The following TET2 variants were observed in gnomAD, a reference collection of about 807,000 sequenced individuals.
TET2 encodes the protein methylcytosine dioxygenase TET2.
In TET2, 299 loss-of-function variants were observed where a neutral mutation model predicts 142.9. That is an observed-to-expected ratio of 2.09 (90% CI 1.90 to 2.30). TET2 has a LOEUF of 2.30. Ranked by LOEUF, TET2 falls within the 30% of genes most tolerant of loss-of-function variation. The pLI is 0.00. For missense variants in TET2, 2,418 were observed against 2,378.0 expected, an observed-to-expected ratio of 1.02 and a Z score of -0.35; for synonymous variants, 819 against 849.0, an observed-to-expected ratio of 0.96 and a Z score of 0.61.
At chr4:105,206,509 A>G (rs562004979) in intron 2 of TET2, among the ~76,000 whole-genome samples, 115 of 152,336 alleles carry the variant, frequency 7.5e-4, no homozygotes, top group African/African-American at 2.5e-3. Flanking sequence ...AGTTTTGTCT[A>G]TCACAGCCCA....
intron 1 of TET2, among the ~76,000 whole-genome samples, chr4:105,186,472 T>TC: frequency 6.8e-6 from 1 of 146,482 alleles, no homozygotes; most frequent in Non-Finnish European, 1.5e-5. Flanking sequence ...TTTTGCATTT[T>TC]CTTTTTTTTT....
In TET2 at chr4:105,234,982, C is replaced by CTA; in HGVS notation, c.1040_1041insTA (p.Gly349LeufsTer24). The CTA allele has an allele frequency of 6.2e-7, 1 of 1,613,898 alleles. No individual in the cohort carries two copies. Among genetic ancestry groups the CTA allele is most frequent in the Non-Finnish European group, 8.5e-7 (1 of 1,179,926 alleles). On this transcript the variant is annotated frameshift_variant, in exon 3 of 11. Coordinates refer to ENST00000380013, the MANE Select transcript of TET2 (RefSeq NM_001127208.3). LOFTEE classifies it high-confidence loss of function. ...AACATCCAGGGAACCACAAAGCTAG[C>CTA]GTCTGGTGAAGAATTCTGTTCAGGT...
In TET2 at chr4:105,275,186, C is replaced by T. The variant is rs1176513956; in HGVS notation, c.4676C>T (p.Ser1559Phe). 4.5e-6 allele frequency: 7 copies of T among 1,552,256 alleles called. No individual in the cohort carries two copies. Among genetic ancestry groups the T allele is most frequent in the Non-Finnish European group, 6.1e-6 (7 of 1,147,114 alleles). The change falls in exon 11 of 11, where the codon TCT becomes TTT. Residue 1559 changes from serine to phenylalanine, a missense_variant. Coordinates refer to ENST00000380013, the MANE Select transcript of TET2 (RefSeq NM_001127208.3). Reference sequence around the variant, plus strand: ...CACCCTCAGACAGAGTCTGTCAACTCTTATTCTGCTTCTGGATCCACCAAT... The same window carrying T: ...CACCCTCAGACAGAGTCTGTCAACTTTTATTCTGCTTCTGGATCCACCAAT... Reference protein sequence around the residue: ...PHHPQTESVNSYSASGSTNPY... With the variant: ...PHHPQTESVNFYSASGSTNPY...
At chr4:105,164,235 G>A (rs565852101) in intron 1 of TET2, among the ~76,000 whole-genome samples, 258 of 152,220 alleles carry the variant, frequency 1.7e-3, no homozygotes, top group African/African-American at 6.1e-3. Context: ...TACTCTCTGC[G>A]TTTATGAGTT....
At chr4:105,206,072 C>T (rs1282249022) in intron 2 of TET2, among the ~76,000 whole-genome samples, 1 of 152,170 alleles carries the variant, frequency 6.6e-6, no homozygotes, top group African/African-American at 2.4e-5. Flanking sequence ...GTCTTGGCCT[C>T]TAGTTCAGAT....
intron 1 of TET2, among the ~76,000 whole-genome samples, chr4:105,171,030 T>C (rs1724436836): frequency 6.6e-6 from 1 of 152,220 alleles, no homozygotes; most frequent in Admixed American, 6.5e-5. Flanking sequence ...ATATCTTTTC[T>C]GGATTTGAAA....
intron 1 of TET2, among the ~76,000 whole-genome samples, chr4:105,172,993 C>T (rs1560723720): frequency 6.6e-6 from 1 of 152,076 alleles, no homozygotes; most frequent in South Asian, 2.1e-4. Flanking sequence ...GAGCAGAAAG[C>T]AAATTAGTTT....
At chr4:105,190,545 T>C (rs1414216339) in intron 2 of TET2, 40 bp downstream of exon 2, 3 of 696,090 alleles carry the variant, frequency 4.3e-6, no homozygotes, top group South Asian at 3.0e-5. Flanking sequence ...TTGTCAAGTA[T>C]GAATTTATTC....
chr4:105,156,952 T>A (rs1723597169), intron 1 of TET2, among the ~76,000 whole-genome samples: 1 of 152,210 alleles, frequency 6.6e-6, no homozygotes, highest in Non-Finnish European at 1.5e-5. Context: ...AGAATTTTTA[T>A]ATTTGCCATT....
chr4:105,222,510 C>T (rs1727900261), intron 2 of TET2, among the ~76,000 whole-genome samples: 1 of 152,196 alleles, frequency 6.6e-6, no homozygotes, highest in Non-Finnish European at 1.5e-5. Flanking sequence ...GCATAAATGT[C>T]TTCTTTTGAG....
chr4:105,268,993 A>T (rs905970954), intron 8 of TET2, among the ~76,000 whole-genome samples: 1 of 152,170 alleles, frequency 6.6e-6, no homozygotes, highest in Non-Finnish European at 1.5e-5. Flanking sequence ...TAAAATTTTT[A>T]AAAAGTTTGA....
Position 105,234,557 on chromosome 4 carries a change from G to T in TET2, c.615G>T (p.Val205=). 1 of 1,614,168 alleles carries T rather than the reference G, an allele frequency of 6.2e-7. No individual in the cohort carries two copies. The highest frequency in any genetic ancestry group is 8.5e-7 in the Non-Finnish European group (1 of 1,180,008). The change falls in exon 3 of 11, where the codon GTG becomes GTT. Residue 205 remains valine (V), a synonymous_variant. Transcript: ENST00000380013. ...TTGTATTACTTAAAAACAAGGCAGT[G>T]CTAATGCCTAATGGTGCTACAGTTT... ...KNIVLLKNKA[V]LMPNGATVSA... is the part of the protein sequence containing the mutation.
At chr4:105,225,724 A>G (rs1172628210) in intron 2 of TET2, among the ~76,000 whole-genome samples, 1 of 152,156 alleles carries the variant, frequency 6.6e-6, no homozygotes, top group Non-Finnish European at 1.5e-5. Context: ...TGCCATGGCA[A>G]CTGCACTGAG....
chr4:105,201,778 G>T (rs747672692), intron 2 of TET2, among the ~76,000 whole-genome samples: 3 of 107,030 alleles, frequency 2.8e-5, no homozygotes, highest in Non-Finnish European at 5.1e-5. Context: ...TTTCACTCCT[G>T]TTGCCCAGAC....
At chr4:105,238,323 G>C (rs1389239633) in intron 3 of TET2, 1 of 237,992 alleles carries the variant, frequency 4.2e-6, no homozygotes, top group Non-Finnish European at 8.9e-6. Flanking sequence ...CTTAAAATAA[G>C]ACAACAGTGA....
rs770373456 is a variant in TET2, at chr4:105,235,355, C to A, written c.1413C>A (p.Ser471Arg). The A allele has an allele frequency of 6.2e-7, 1 of 1,614,152 alleles. No individual in the cohort carries two copies. Among genetic ancestry groups the A allele is most frequent in the South Asian group, 1.1e-5 (1 of 91,088 alleles). ...CTAATCCATCTACACATGTATGCAG[C>A]CCTTCTCCGATGCTTTCTGAAAGGC... ...QSPNPSTHVCSPSPMLSERPQ... is the reference protein window; with the variant it reads ...QSPNPSTHVCRPSPMLSERPQ... The change falls in exon 3 of 11, where the codon AGC becomes AGA. Residue 471 changes from serine to arginine, a missense_variant. Transcript: ENST00000380013.
chr4:105,152,317 A>G (rs1050287649), intron 1 of TET2, among the ~76,000 whole-genome samples: 4 of 152,236 alleles, frequency 2.6e-5, no homozygotes, highest in South Asian at 4.2e-4. Context: ...TAGGAGATGA[A>G]TAAATTGGGA....
Position 105,243,686 on chromosome 4 carries a change from GCT to G in TET2, c.3712_3713del (p.Leu1238ValfsTer4), listed in dbSNP as rs1729429071. On this transcript the variant is annotated frameshift_variant, in exon 6 of 11. Transcript: ENST00000380013. LOFTEE classifies it high-confidence loss of function. Reference protein sequence around the residue: ...ILILVWEGIPLSLADKLYSEL... With the variant: ...ILILVWEGIPXSLADKLYSEL... ...TCATCCTGGTGTGGGAAGGAATCCC[GCT>G]GTCTCTGGCTGACAAACTCTACTCG... 1 of 1,551,422 alleles carries G rather than the reference GCT, an allele frequency of 6.4e-7. No homozygotes were observed. The highest frequency in any genetic ancestry group is 1.4e-5 in the African/African-American group (1 of 72,980).
At chr4:105,218,923 A>G (rs1219241312) in intron 2 of TET2, among the ~76,000 whole-genome samples, 2 of 151,988 alleles carry the variant, frequency 1.3e-5, no homozygotes, top group Admixed American at 6.6e-5. Context: ...ATTTTAGGCG[A>G]TCTTAACCTA....
Sources: gnomAD v4.1 joint callset for allele counts (sites outside exome capture counted in the v4.1 genomes callset) on GRCh38, gnomAD v4.1.1 for gene constraint, MANE v1.5 for transcripts, NCBI Gene and HGNC (gene_info 2026-07-23, HGNC 2026-07-21) for gene names.